Variants in MED27 observed in about 807,000 individuals in gnomAD.
MED27 encodes mediator of RNA polymerase II transcription subunit 27.
In MED27, 30 loss-of-function variants were observed where a neutral mutation model predicts 38.2. That is an observed-to-expected ratio of 0.79 (90% CI 0.59 to 1.07). MED27 has a LOEUF of 1.07. MED27 is among the 50% of genes least tolerant of loss of function. The pLI, the probability that MED27 is intolerant of heterozygous loss-of-function variation, is 0.00. For missense variants in MED27, 289 were observed against 397.5 expected (o/e 0.73, Z 2.32); for synonymous variants, 122 against 153.5 (o/e 0.79, Z 1.52).
chr9:131,902,255 A>AGGTATGT (rs1829962316), intron 4 of MED27, among the ~76,000 whole-genome samples: 1 of 152,144 alleles, frequency 6.6e-6, no homozygotes. Flanking sequence ...CACAGCTGCT[A>AGGTATGT]GGTATGTGTA....
At position 132,023,552 on chromosome 9, in the gene MED27, T is replaced by C. The variant is rs1475846968; in HGVS notation, c.349-9085A>G. On this transcript the variant is annotated intron_variant, in intron 2 of 7. Coordinates refer to ENST00000292035, the MANE Select transcript of MED27 (RefSeq NM_004269.4). Reference sequence around the variant, plus strand: ...GTTTCTGCTTTAAGCACCATTTTCATTATGGTCAGATGCAGCCCCATTAGC... The same window carrying C: ...GTTTCTGCTTTAAGCACCATTTTCACTATGGTCAGATGCAGCCCCATTAGC... Among the ~76,000 whole-genome samples the C allele has an allele frequency of 2.6e-5, 4 of 152,302 alleles. No individual in the cohort carries two copies. The South Asian group carries it at 6.2e-4, about 24-fold the overall frequency.
intron 4 of MED27, among the ~76,000 whole-genome samples, chr9:131,936,297 C>T (rs1264770569): frequency 1.3e-5 from 2 of 152,182 alleles, no homozygotes; most frequent in African/African-American, 4.8e-5. Context: ...GTCCCCGCAG[C>T]CACGGGAAAC....
At chr9:131,888,430 C>T (rs573755719) in intron 5 of MED27, among the ~76,000 whole-genome samples, 3 of 152,134 alleles carry the variant, frequency 2.0e-5, no homozygotes, top group African/African-American at 2.4e-5. Flanking sequence ...GGCAGGATGC[C>T]GGGGCTGCGC....
At chr9:132,013,668 C>T (rs1832531533) in intron 3 of MED27, among the ~76,000 whole-genome samples, 1 of 152,026 alleles carries the variant, frequency 6.6e-6, no homozygotes, top group Non-Finnish European at 1.5e-5. Context: ...TGCAGCTTAA[C>T]CAAATGTGCT....
At chr9:131,951,950 A>C (rs915261865) in intron 3 of MED27, among the ~76,000 whole-genome samples, 6 of 152,212 alleles carry the variant, frequency 3.9e-5, no homozygotes, top group Non-Finnish European at 7.3e-5. Flanking sequence ...AAGAAGGCCA[A>C]CGAGAGAGTG....
At chr9:131,925,710 T>C (rs995522745) in intron 4 of MED27, among the ~76,000 whole-genome samples, 4 of 152,144 alleles carry the variant, frequency 2.6e-5, no homozygotes, top group South Asian at 2.1e-4. Context: ...TGCATATATA[T>C]ATGGTGAAGC....
chr9:131,986,107 A>T (rs144663878), intron 3 of MED27, among the ~76,000 whole-genome samples: 6 of 152,224 alleles, frequency 3.9e-5, no homozygotes, highest in Admixed American at 1.3e-4. Context: ...AAAGTTAACA[A>T]AATGTAAAAG....
intron 3 of MED27, among the ~76,000 whole-genome samples, chr9:131,979,270 C>T (rs1212716895): frequency 1.3e-5 from 2 of 152,092 alleles, no homozygotes; most frequent in Non-Finnish European, 1.5e-5. Context: ...CTTTGCCTCA[C>T]CATTTTAAAG....
chr9:132,019,386 C>T (rs1832671453), intron 2 of MED27, among the ~76,000 whole-genome samples: 1 of 152,178 alleles, frequency 6.6e-6, no homozygotes, highest in African/African-American at 2.4e-5. Flanking sequence ...TATGGCTGGC[C>T]TCTTACGAAA....
intron 3 of MED27, among the ~76,000 whole-genome samples, chr9:132,007,021 G>A (rs1378494423): frequency 6.6e-6 from 1 of 152,166 alleles, no homozygotes; most frequent in African/African-American, 2.4e-5. Flanking sequence ...AATGTGCAAG[G>A]CGGTGGCAGA....
intron 3 of MED27, among the ~76,000 whole-genome samples, chr9:131,948,161 T>A (rs1189106287): frequency 6.6e-6 from 1 of 152,232 alleles, no homozygotes; most frequent in African/African-American, 2.4e-5. Flanking sequence ...TTCTGATTAT[T>A]TGCTCAAGAA....
At chr9:131,876,245 A>C (rs1276587639) in intron 6 of MED27, among the ~76,000 whole-genome samples, 1 of 152,226 alleles carries the variant, frequency 6.6e-6, no homozygotes. Flanking sequence ...ACCCTTCAGG[A>C]AGAAACAAGC....
At chr9:131,925,419 T>A (rs554098082) in intron 4 of MED27, among the ~76,000 whole-genome samples, 1 of 152,132 alleles carries the variant, frequency 6.6e-6, no homozygotes, top group Non-Finnish European at 1.5e-5. Flanking sequence ...TATTTTAAAA[T>A]GTAAGAGCAG....
chr9:131,957,040 C>T (rs1272679382), intron 3 of MED27, among the ~76,000 whole-genome samples: 1 of 152,124 alleles, frequency 6.6e-6, no homozygotes, highest in African/African-American at 2.4e-5. Context: ...TATGAAATGT[C>T]GGTGAGGATG....
chr9:131,902,505 G>A (rs966523415), intron 4 of MED27, among the ~76,000 whole-genome samples: 1 of 152,086 alleles, frequency 6.6e-6, no homozygotes, highest in Non-Finnish European at 1.5e-5. Flanking sequence ...TGTATCGAGC[G>A]GGACAGTAAC....
chr9:132,071,301 C>T (rs1833928848), intron 2 of MED27, among the ~76,000 whole-genome samples: 2 of 152,188 alleles, frequency 1.3e-5, no homozygotes, highest in Middle Eastern at 3.4e-3. Context: ...ACTTGATGAA[C>T]GAGCACACAC....
At chr9:131,974,698 G>C (rs994641156) in intron 3 of MED27, among the ~76,000 whole-genome samples, 1 of 152,204 alleles carries the variant, frequency 6.6e-6, no homozygotes, top group Non-Finnish European at 1.5e-5. Context: ...CTGAAATGTG[G>C]AACACGGGAG....
intron 5 of MED27, among the ~76,000 whole-genome samples, chr9:131,891,800 G>A (rs1051981072): frequency 6.6e-6 from 1 of 152,092 alleles, no homozygotes; most frequent in Non-Finnish European, 1.5e-5. Context: ...GAAGTGAGGC[G>A]GTGCGTGCAT....
At chr9:132,034,563 T>C (rs767380794) in intron 2 of MED27, among the ~76,000 whole-genome samples, 98 of 152,300 alleles carry the variant, frequency 6.4e-4, no homozygotes, top group Non-Finnish European at 1.2e-3. Context: ...GGTCGAAAGG[T>C]AGCTAAAACT....
Sources: allele counts gnomAD v4.1 joint callset (sites outside exome capture counted in the v4.1 genomes callset), GRCh38; gene constraint gnomAD v4.1.1; transcripts MANE v1.5; gene names NCBI Gene and HGNC (gene_info 2026-07-23, HGNC 2026-07-21).